TF: variants seen among roughly 807,000 people sequenced by gnomAD.
TF encodes the protein transferrin.
A neutral mutation model predicts 82.4 loss-of-function variants in TF; 55 were observed. That is an observed-to-expected ratio of 0.67 (90% CI 0.54 to 0.84). The LOEUF is 0.84. Among genes scored for constraint, TF ranks in the 40% least tolerant of loss-of-function variants. The pLI, the probability that TF is intolerant of heterozygous loss-of-function variation, is 0.00. For synonymous variants in TF, 332 were observed against 332.6 expected (o/e 1.00, Z 0.02); for missense variants, 737 against 868.4 (o/e 0.85, Z 1.90).
chr3:133,743,152 C>CTCAGAGCT (rs1347740144), upstream of TF, among the ~76,000 whole-genome samples: 1 of 152,168 alleles, frequency 6.6e-6, no homozygotes, highest in Non-Finnish European at 1.5e-5. Flanking sequence ...TGAATAAGGA[C>CTCAGAGCT]CCATCATTTG....
chr3:133,735,501 C>A, the TF span, among the ~76,000 whole-genome samples: 2 of 152,052 alleles, frequency 1.3e-5, no homozygotes, highest in African/African-American at 2.4e-5. Context: ...TAATAACAAA[C>A]CCCTCCGAGC....
intron 15 of TF, among the ~76,000 whole-genome samples, chr3:133,776,206 G>C (rs768524765): frequency 6.6e-6 from 1 of 152,178 alleles, no homozygotes; most frequent in African/African-American, 2.4e-5. Flanking sequence ...GAGTCATGAA[G>C]AGTGGATTTC....
At chr3:133,746,570 CTCCGCGCT>C in intron 1 of TF, 87 bp downstream of exon 1, 1 of 1,436,882 alleles carries the variant, frequency 7.0e-7, no homozygotes, top group Non-Finnish European at 9.5e-7. Context: ...CCTGCATGCA[CTCCGCGCT>C]CAGGCTGGAA....
intron 14 of TF, chr3:133,774,184 G>C (rs1475115257): frequency 6.6e-6 from 1 of 152,004 alleles, no homozygotes; most frequent in African/African-American, 2.4e-5. Flanking sequence ...AGAGGGCTGA[G>C]AACATAGTAT....
At chr3:133,715,052 C>A in the TF span, among the ~76,000 whole-genome samples, 1 of 152,172 alleles carries the variant, frequency 6.6e-6, no homozygotes, top group Non-Finnish European at 1.5e-5. Flanking sequence ...CCGCACCTTT[C>A]CCCGTGGTCT....
Position 133,759,285 on chromosome 3 carries a change from T to A in TF, c.1159T>A (p.Cys387Ser). ...WSVNSVGKIECVSAETTEDCI... is the reference protein window; with the variant it reads ...WSVNSVGKIESVSAETTEDCI... ...TGTTAACAGTGTAGGGAAAATAGAG[T>A]GTGTATCAGCAGAGACCACCGAAGA... The change falls in exon 9 of 17, where the codon TGT becomes AGT. Residue 387 changes from cysteine to serine, a missense_variant. By Grantham distance (112) the Cys-to-Ser change is moderately radical. Coordinates refer to ENST00000402696, the MANE Select transcript of TF (RefSeq NM_001063.4). 1.9e-6 allele frequency: 3 copies of A among 1,611,768 alleles called. No individual in the cohort carries two copies. Among genetic ancestry groups the A allele is most frequent in the Non-Finnish European group, 2.5e-6 (3 of 1,179,442 alleles).
the TF span, among the ~76,000 whole-genome samples, chr3:133,684,540 G>A: frequency 6.6e-6 from 1 of 152,140 alleles, no homozygotes; most frequent in African/African-American, 2.4e-5. Flanking sequence ...CAATCCCACA[G>A]AAATACAAAC....
chr3:133,729,740 G>C, the TF span, among the ~76,000 whole-genome samples: 2 of 152,122 alleles, frequency 1.3e-5, no homozygotes, highest in African/African-American at 2.4e-5. Context: ...GAAATCACCC[G>C]TCTTCTGCAT....
the TF span, among the ~76,000 whole-genome samples, chr3:133,665,614 T>C: frequency 2.0e-5 from 3 of 151,974 alleles, no homozygotes; most frequent in African/African-American, 7.3e-5. Context: ...CAGACCCTGC[T>C]TGGGGTGACA....
chr3:133,732,210 A>G, the TF span, among the ~76,000 whole-genome samples: 2 of 152,232 alleles, frequency 1.3e-5, no homozygotes, highest in South Asian at 2.1e-4. Context: ...CAATAACTCT[A>G]TGAAGCAGGC....
chr3:133,680,603 C>T, the TF span, among the ~76,000 whole-genome samples: 8,007 of 151,220 alleles, frequency 0.053, 282 homozygotes, highest in African/African-American at 0.1. Context: ...CTTATCTTGA[C>T]ATTCCACACA....
At chr3:133,748,391 C>T in intron 1 of TF, 21 bp from the exon 2 acceptor site, 1 of 1,613,846 alleles carries the variant, frequency 6.2e-7, no homozygotes, top group Non-Finnish European at 8.5e-7. Context: ...GGCCCTTCCA[C>T]CTCTGGCCTC....
Position 133,789,046 on chromosome 3 carries a change from C to G in TF, c.*10426C>G, listed in dbSNP as rs1450861381. 6.6e-6 allele frequency: 1 copy of G among 152,308 alleles called. No individual in the cohort carries two copies. Among genetic ancestry groups the G allele is most frequent in the East Asian group, 1.9e-4 (1 of 5,200 alleles). The allele number at this position is 152,308 out of a possible 1,614,324, so 9.4% of individuals were successfully genotyped here. A position where few individuals can be genotyped will look rare whatever the true frequency, so the allele number is the denominator to read the frequency against. ...TCTGGAGGGAAAATATGCAAAGCGG[C>G]ACTGGTGCCCACGTAAGGTCAGAGA... On this transcript the variant is annotated 3_prime_UTR_variant, in exon 17 of 17. Transcript: ENST00000402696.
the TF span, among the ~76,000 whole-genome samples, chr3:133,673,055 C>T: frequency 1.3e-5 from 2 of 152,108 alleles, no homozygotes; most frequent in Non-Finnish European, 2.9e-5. Context: ...TGAAAACTTT[C>T]CCTATCACCC....
the TF span, among the ~76,000 whole-genome samples, chr3:133,725,367 T>C: frequency 1.3e-5 from 2 of 152,240 alleles, no homozygotes; most frequent in Non-Finnish European, 2.9e-5. Flanking sequence ...GGGGAGGTCC[T>C]TCACGTCCCT....
At chr3:133,664,033 T>C in the TF span, among the ~76,000 whole-genome samples, 1 of 152,178 alleles carries the variant, frequency 6.6e-6, no homozygotes, top group Non-Finnish European at 1.5e-5. Flanking sequence ...GTGGTTCTGA[T>C]GTGTAGTGTC....
At chr3:133,701,705 C>T in the TF span, among the ~76,000 whole-genome samples, 1 of 152,128 alleles carries the variant, frequency 6.6e-6, no homozygotes, top group African/African-American at 2.4e-5. Context: ...GGAGGTGATG[C>T]CTGAGGAGCT....
chr3:133,743,474 G>A (rs1933431808), upstream of TF, among the ~76,000 whole-genome samples: 1 of 152,072 alleles, frequency 6.6e-6, no homozygotes, highest in Admixed American at 6.5e-5. Context: ...GCCCCTGCAT[G>A]TCCTGGTTTC....
the TF span, among the ~76,000 whole-genome samples, chr3:133,674,664 C>T: frequency 1.5e-3 from 224 of 152,184 alleles, no homozygotes; most frequent in African/African-American, 5.1e-3. Flanking sequence ...CGCTGGGAGT[C>T]GAGGTGGGGG....
Sources: allele counts gnomAD v4.1 joint callset (sites outside exome capture counted in the v4.1 genomes callset), GRCh38; gene constraint gnomAD v4.1.1; transcripts MANE v1.5; gene names NCBI Gene and HGNC (gene_info 2026-07-23, HGNC 2026-07-21).